LRP4: variants seen among roughly 807,000 people sequenced by gnomAD.
LRP4 encodes low-density lipoprotein receptor-related protein 4.
A neutral mutation model predicts 220.3 loss-of-function variants in LRP4; 95 were observed. That is an observed-to-expected ratio of 0.43 (90% CI 0.37 to 0.51). The LOEUF (loss-of-function observed/expected upper bound fraction) is 0.51. Among genes scored for constraint, LRP4 ranks in the 20% least tolerant of loss-of-function variants. The probability of loss-of-function intolerance (pLI) is 0.00; values close to 1 mark genes in which losing one functional copy is unlikely to be tolerated. For synonymous variants in LRP4, 903 were observed against 954.6 expected, an observed-to-expected ratio of 0.95 and a Z score of 1.00; for missense variants, 1,925 against 2,567.0, an observed-to-expected ratio of 0.75 and a Z score of 5.40.
At chr11:46,900,416 T>C in intron 2 of LRP4, 38 bp from the exon 3 acceptor site, 2 of 1,282,652 alleles carry the variant, frequency 1.6e-6, no homozygotes, top group East Asian at 2.3e-5. Flanking sequence ...TCAATCAACC[T>C]GGTATTCTTA....
At chr11:46,901,770 T>G (rs999421142) in intron 2 of LRP4, among the ~76,000 whole-genome samples, 1 of 152,072 alleles carries the variant, frequency 6.6e-6, no homozygotes, top group Middle Eastern at 3.4e-3. Flanking sequence ...TCTCGCTCTG[T>G]CGCCCAATCT....
Position 46,879,305 on chromosome 11 carries a change from C to T in LRP4, c.2825G>A (p.Gly942Glu). 6.2e-7 allele frequency: 1 copy of T among 1,614,116 alleles called. No homozygotes were observed. The highest frequency in any genetic ancestry group is 8.5e-7 in the Non-Finnish European group (1 of 1,180,048). The change falls in exon 21 of 38, where the codon GGA (glycine) becomes GAA (glutamate). Residue 942 changes from glycine (G) to glutamate (E), a missense_variant. Gly to Glu is a moderately conservative substitution (Grantham distance 98). Transcript: ENST00000378623. ...CCCAAATGGGTGGGGGAGCTGGCTT[C>T]CAATCAGCACCTGCCAGGGCCCCAA... ...LDGSKRKVLI[G>E]SQLPHPFGLT...
Position 46,894,639 on chromosome 11 carries a change from A to C in LRP4, c.1490T>G (p.Leu497Arg), listed in dbSNP as rs1347613812. 66 of 1,613,874 alleles carry C rather than the reference A, an allele frequency of 4.1e-5. No homozygotes were observed. Among genetic ancestry groups the C allele is most frequent in the Non-Finnish European group, 5.0e-5 (59 of 1,179,948 alleles). The change falls in exon 12 of 38, where the codon CTC becomes CGC. Residue 497 changes from leucine to arginine, a missense_variant. By Grantham distance (102) the Leu-to-Arg change is moderately radical. This residue lies in a region of LRP4 where 269 missense variants were observed against 436.7 expected (regional missense o/e 0.62). Coordinates refer to ENST00000378623, the MANE Select transcript of LRP4 (RefSeq NM_002334.4). The part of the protein sequence containing the change: ...VTLDRILRAN[L>R]NGSNVEEVVS... Reference sequence around the variant, plus strand: ...AACCTCCTCCACGTTGCTGCCGTTGAGGTTGGCACGGAGGATCCGGTCCAG... The same window carrying C: ...AACCTCCTCCACGTTGCTGCCGTTGCGGTTGGCACGGAGGATCCGGTCCAG...
intron 35 of LRP4, among the ~76,000 whole-genome samples, chr11:46,864,799 G>A (rs1216911064): frequency 6.6e-6 from 1 of 152,232 alleles, no homozygotes. Flanking sequence ...TAACTTGTAA[G>A]CCTACATTTT....
intron 12 of LRP4, among the ~76,000 whole-genome samples, chr11:46,893,640 C>T (rs1271184059): frequency 1.3e-5 from 2 of 152,188 alleles, no homozygotes; most frequent in African/African-American, 2.4e-5. Flanking sequence ...ACTCCCATTG[C>T]GCAGGCTGGA....
At position 46,871,541 on chromosome 11, in the gene LRP4, G is replaced by A. The variant is rs1157441585; in HGVS notation, c.4676C>T (p.Pro1559Leu). ...RQVLVSHVSH[P>L]FALTQQDRWI... ...AGCCAGTACCTGTGTGAGGGCAAAGGGGTGGGACACATGGCTGACCAAGAC... is the reference window on the plus strand; with the variant it reads ...AGCCAGTACCTGTGTGAGGGCAAAGAGGTGGGACACATGGCTGACCAAGAC... The change falls in exon 31 of 38, where the codon CCC becomes CTC. Residue 1559 changes from proline (P) to leucine (L), a missense_variant. Coordinates refer to ENST00000378623, the MANE Select transcript of LRP4 (RefSeq NM_002334.4). 7.4e-6 allele frequency: 12 copies of A among 1,612,264 alleles called. No homozygotes were observed. Among genetic ancestry groups the A allele is most frequent in the Non-Finnish European group, 1.0e-5 (12 of 1,179,036 alleles).
intron 1 of LRP4, among the ~76,000 whole-genome samples, chr11:46,905,288 C>G (rs976456556): frequency 6.6e-6 from 1 of 152,212 alleles, no homozygotes; most frequent in Admixed American, 6.5e-5. Flanking sequence ...AGGCTCAGCA[C>G]AGCTGTAGGC....
In LRP4 at chr11:46,900,350, A is replaced by G. The variant is rs146007685; in HGVS notation, c.228T>C (p.Phe76=). The G allele has an allele frequency of 9.9e-6, 16 of 1,613,752 alleles. No homozygotes were observed. Among genetic ancestry groups the G allele is most frequent in the Non-Finnish European group, 1.1e-5 (13 of 1,179,760 alleles). The change falls in exon 3 of 38, where the codon TTT becomes TTC. Residue 76 remains phenylalanine (F), a synonymous_variant. Coordinates refer to ENST00000378623, the MANE Select transcript of LRP4 (RefSeq NM_002334.4). ...GGATGCACTTGCCATTGTCACAGTG[A>G]AAGTCAAGAGGGGAACAGGTAGGTA... ...CILPTCSPLD[F]HCDNGKCIRR...
In LRP4 at chr11:46,894,172, G is replaced by A. The variant is rs978862954; in HGVS notation, c.1540+417C>T. Reference sequence around the variant, plus strand: ...CTCCCAAAGTGCTGGGATTACAGGCGTGAGCCACCGTGCCTGGCCTGTTTT... The same window carrying A: ...CTCCCAAAGTGCTGGGATTACAGGCATGAGCCACCGTGCCTGGCCTGTTTT... On this transcript the variant is annotated intron_variant, in intron 12 of 37. Coordinates refer to ENST00000378623, the MANE Select transcript of LRP4 (RefSeq NM_002334.4). 4.6e-5 allele frequency among the ~76,000 whole-genome samples: 7 copies of A among 152,258 alleles called. No individual in the cohort carries two copies. The South Asian group carries it at 1.5e-3, about 32-fold the overall frequency.
At chr11:46,883,725 A>C in intron 19 of LRP4, 146 bp downstream of exon 19, 1 of 649,222 alleles carries the variant, frequency 1.5e-6, no homozygotes, top group Non-Finnish European at 2.7e-6. Context: ...TGGTCTTGGC[A>C]ACCAGCCTCT....
At chr11:46,866,306 CAG>C (rs1338698629) in intron 34 of LRP4, among the ~76,000 whole-genome samples, 2 of 149,614 alleles carry the variant, frequency 1.3e-5, no homozygotes, top group Admixed American at 6.7e-5. Flanking sequence ...TTTTTTGAGA[CAG>C]GGTCTCAGTC....
At position 46,877,098 on chromosome 11, in the gene LRP4, C is replaced by T. The variant is rs1941039947; in HGVS notation, c.3277+101G>A. 3 of 1,375,264 alleles carry T rather than the reference C, an allele frequency of 2.2e-6. No homozygotes were observed. In the Middle Eastern group the frequency reaches 7.4e-4, roughly 337 times the overall value. 85.2% of individuals were successfully genotyped at this position (1,375,264 alleles called of 1,614,324 possible). A position where few individuals can be genotyped will look rare whatever the true frequency, so the allele number is the denominator to read the frequency against. ...TGCCAGAGGGAATGGGGAACAAACA[C>T]CCTGGCTCTTGGCAGGAGACAAAGG... On this transcript the variant is annotated intron_variant, in intron 23 of 37. Transcript: ENST00000378623.
At chr11:46,898,342 C>T (rs1421521186) in intron 7 of LRP4, among the ~76,000 whole-genome samples, 2 of 152,228 alleles carry the variant, frequency 1.3e-5, no homozygotes, top group Non-Finnish European at 1.5e-5. Flanking sequence ...TGCGCCACCA[C>T]ACCCAGCTAA....
intron 35 of LRP4, 95 bp from the exon 36 acceptor site, chr11:46,864,630 G>T: frequency 1.2e-6 from 1 of 846,368 alleles, no homozygotes; most frequent in Non-Finnish European, 2.0e-6. Context: ...CCTTTTGTAG[G>T]TGTTGGACCC....
At chr11:46,917,659 C>T (rs1206767575) in intron 1 of LRP4, among the ~76,000 whole-genome samples, 1 of 152,178 alleles carries the variant, frequency 6.6e-6, no homozygotes, top group Non-Finnish European at 1.5e-5. Context: ...TCCTCCTCAG[C>T]CCCCTTTCCA....
At chr11:46,889,335 C>T (rs1319180754) in intron 16 of LRP4, 76 bp downstream of exon 16, 2 of 1,592,220 alleles carry the variant, frequency 1.3e-6, no homozygotes, top group Non-Finnish European at 1.7e-6. Flanking sequence ...GGCAATCCCT[C>T]CACGTCCTAT....
chr11:46,917,830 G>A (rs946323976), intron 1 of LRP4, among the ~76,000 whole-genome samples: 2 of 152,126 alleles, frequency 1.3e-5, no homozygotes, highest in African/African-American at 4.8e-5. Flanking sequence ...TCCGAGTAGA[G>A]GAATCCCGGT....
At chr11:46,878,028 C>G (rs1565784968) in intron 22 of LRP4, among the ~76,000 whole-genome samples, 1 of 152,154 alleles carries the variant, frequency 6.6e-6, no homozygotes, top group South Asian at 2.1e-4. Context: ...GTTCACAGCT[C>G]CTTTCTCACT....
chr11:46,889,674 C>T, intron 15 of LRP4, 141 bp from the exon 16 acceptor site: 1 of 1,150,754 alleles, frequency 8.7e-7, no homozygotes, highest in Admixed American at 2.0e-5. Flanking sequence ...GCCCCTGCTG[C>T]TAGCACAGTG....
Sources: gnomAD v4.1 joint callset for allele counts (sites outside exome capture counted in the v4.1 genomes callset) on GRCh38, gnomAD v4.1.1 for gene constraint, gnomAD v4.1.1 regional missense constraint, MANE v1.5 for transcripts, NCBI Gene and HGNC (gene_info 2026-07-23, HGNC 2026-07-21) for gene names.